Variants in WARS2 observed in about 807,000 individuals in gnomAD.
The protein encoded by WARS2 is tryptophan--tRNA ligase, mitochondrial.
In WARS2, 28 loss-of-function variants were observed where a neutral mutation model predicts 36.5. The observed-to-expected ratio is 0.77, with a 90% CI of 0.57 to 1.05. The LOEUF (loss-of-function observed/expected upper bound fraction) is 1.05, where lower values mean the gene tolerates loss of function less well. WARS2 is among the 50% of genes least tolerant of loss of function. The probability of loss-of-function intolerance (pLI) is 0.00; values close to 1 mark genes in which losing one functional copy is unlikely to be tolerated. For synonymous variants in WARS2, 174 were observed against 178.4 expected (o/e 0.98, Z 0.20); for missense variants, 435 against 456.8 (o/e 0.95, Z 0.44).
chr1:119,120,642 A>C (rs1655269360), intron 1 of WARS2, among the ~76,000 whole-genome samples: 1 of 152,112 alleles, frequency 6.6e-6, no homozygotes, highest in Admixed American at 6.5e-5. Flanking sequence ...TAGATGCAAA[A>C]ATCTTCTATA....
intron 1 of WARS2, among the ~76,000 whole-genome samples, chr1:119,110,473 G>T (rs587708826): frequency 6.6e-6 from 1 of 151,968 alleles, no homozygotes; most frequent in Admixed American, 6.5e-5. Flanking sequence ...TGCTTGCGTG[G>T]ATTCTGAAGA....
intron 1 of WARS2, among the ~76,000 whole-genome samples, chr1:119,121,851 C>T (rs587710916): frequency 2.0e-5 from 3 of 152,110 alleles, no homozygotes; most frequent in South Asian, 2.1e-4. Flanking sequence ...TATAGAATAA[C>T]GAAACTGGAT....
intron 1 of WARS2, among the ~76,000 whole-genome samples, chr1:119,126,042 T>G (rs1447620117): frequency 6.6e-6 from 1 of 152,162 alleles, no homozygotes; most frequent in Non-Finnish European, 1.5e-5. Context: ...ATTTAGAAAT[T>G]ACAGACTTTG....
chr1:119,109,094 A>T (rs1654445862), intron 1 of WARS2, among the ~76,000 whole-genome samples: 1 of 151,968 alleles, frequency 6.6e-6, no homozygotes, highest in African/African-American at 2.4e-5. Context: ...TAACATTTCT[A>T]TTCTCTGAAA....
chr1:119,094,398 G>A (rs1653268548), intron 1 of WARS2, among the ~76,000 whole-genome samples: 1 of 151,210 alleles, frequency 6.6e-6, no homozygotes, highest in Non-Finnish European at 1.5e-5. Context: ...TTGAAATCTT[G>A]AGATTGTTTT....
intron 1 of WARS2, among the ~76,000 whole-genome samples, chr1:119,080,430 G>A (rs1652097750): frequency 6.6e-6 from 1 of 152,154 alleles, no homozygotes; most frequent in South Asian, 2.1e-4. Context: ...GTGGGAATGG[G>A]CTAGAAATGA....
Position 119,033,069 on chromosome 1 carries a change from C to A in WARS2, c.925G>T (p.Ala309Ser), listed in dbSNP as rs932382697. The A allele has an allele frequency of 1.1e-5, 18 of 1,614,138 alleles. No homozygotes were observed. The African/African-American group carries it at 1.3e-4, about 12-fold the overall frequency. Residue 309 changes from alanine (A) to serine (S), a missense_variant, in exon 6 of 6, where the codon GCT (alanine) becomes TCT (serine). Ala to Ser is a moderately conservative substitution (Grantham distance 99). Coordinates refer to ENST00000235521, the MANE Select transcript of WARS2 (RefSeq NM_015836.4). ...TARYKLAVAD[A>S]VIEKFAPIKR... is the part of the protein sequence containing the mutation. ...ATTGGGGCAAACTTCTCAATCACAG[C>A]ATCTGCCACGGCCAGCTTGTAGCGA...
chr1:119,115,492 C>T (rs1654903884), intron 1 of WARS2, among the ~76,000 whole-genome samples: 1 of 152,170 alleles, frequency 6.6e-6, no homozygotes, highest in African/African-American at 2.4e-5. Context: ...ATGTTATTTT[C>T]TGGATAGTGT....
At chr1:119,078,825 T>A (rs1651968315) in intron 1 of WARS2, among the ~76,000 whole-genome samples, 1 of 152,130 alleles carries the variant, frequency 6.6e-6, no homozygotes, top group South Asian at 2.1e-4. Flanking sequence ...ATGAATCAGA[T>A]ATATAACTTC....
At position 119,135,126 on chromosome 1, in the gene WARS2, A is replaced by C. The variant is rs587649036; in HGVS notation, c.90+5429T>G. 1.2e-4 allele frequency among the ~76,000 whole-genome samples: 18 copies of C among 152,386 alleles called. No individual in the cohort carries two copies. In the South Asian group the frequency reaches 2.5e-3, roughly 21 times the overall value. ...TAGTTATAAAATATATACACATCAA[A>C]GTAAATACTCTCAAACCACTCATTT... On this transcript the variant is annotated intron_variant, in intron 1 of 5. Coordinates refer to ENST00000235521, the MANE Select transcript of WARS2 (RefSeq NM_015836.4).
At chr1:119,140,307 A>G (rs587594658) in intron 1 of WARS2, 3 of 370,092 alleles carry the variant, frequency 8.1e-6, no homozygotes, top group South Asian at 1.4e-4. Flanking sequence ...CGCTCCCAGA[A>G]CTGGAGGTGG....
chr1:119,081,381 A>G (rs1352238524), intron 1 of WARS2, among the ~76,000 whole-genome samples: 1 of 152,254 alleles, frequency 6.6e-6, no homozygotes, highest in Non-Finnish European at 1.5e-5. Flanking sequence ...CAGCTTCAGT[A>G]CAGTGGTGAG....
chr1:119,068,555 G>C (rs537753138), intron 2 of WARS2, among the ~76,000 whole-genome samples: 1 of 152,054 alleles, frequency 6.6e-6, no homozygotes, highest in Admixed American at 6.6e-5. Flanking sequence ...CACAATATCT[G>C]GTGGCCCCAA....
At chr1:119,085,174 T>C in intron 1 of WARS2, 1 of 800,866 alleles carries the variant, frequency 1.2e-6, no homozygotes, top group Non-Finnish European at 2.3e-6. Context: ...TCCTTATCCC[T>C]GGTCTTTTCT....
At chr1:119,124,095 C>A (rs763287630) in intron 1 of WARS2, among the ~76,000 whole-genome samples, 76 of 152,336 alleles carry the variant, frequency 5.0e-4, no homozygotes, top group Non-Finnish European at 9.3e-4. Flanking sequence ...CAAATTCATT[C>A]TTCCAGTTGC....
At chr1:119,057,388 C>G (rs1295289154) in intron 2 of WARS2, among the ~76,000 whole-genome samples, 2 of 151,534 alleles carry the variant, frequency 1.3e-5, no homozygotes, top group Non-Finnish European at 2.9e-5. Context: ...TCGTGATCCT[C>G]CCTCCTCGGC....
chr1:119,135,327 G>C (rs1311113669), intron 1 of WARS2, among the ~76,000 whole-genome samples: 1 of 152,086 alleles, frequency 6.6e-6, no homozygotes, highest in Non-Finnish European at 1.5e-5. Flanking sequence ...ATGGGGGAGA[G>C]GGAAATCAAA....
intron 1 of WARS2, among the ~76,000 whole-genome samples, chr1:119,119,969 C>A (rs920898801): frequency 6.6e-6 from 1 of 151,880 alleles, no homozygotes; most frequent in South Asian, 2.1e-4. Context: ...TCTGAAAGAA[C>A]ACAAATAGAC....
At chr1:119,109,510 C>A (rs1360560882) in intron 1 of WARS2, among the ~76,000 whole-genome samples, 2 of 151,868 alleles carry the variant, frequency 1.3e-5, no homozygotes, top group Non-Finnish European at 2.9e-5. Flanking sequence ...TACAGTTGAT[C>A]CCCTTTTAGC....
Sources: gnomAD v4.1 joint callset for allele counts (sites outside exome capture counted in the v4.1 genomes callset) on GRCh38, gnomAD v4.1.1 for gene constraint, MANE v1.5 for transcripts, NCBI Gene and HGNC (gene_info 2026-07-23, HGNC 2026-07-21) for gene names.